Variants in STAB1 observed in about 807,000 individuals in gnomAD.
STAB1 encodes stabilin 1, also known as stabilin-1.
STAB1 carries 250 observed loss-of-function variants against 332.4 expected under a neutral mutation model. The ratio of observed to expected loss-of-function variants is 0.75; its 90% confidence interval spans 0.68 to 0.84. STAB1 has a LOEUF of 0.84. STAB1 is among the 40% of genes least tolerant of loss of function. The pLI is 0.00. For synonymous variants in STAB1, 1,475 were observed against 1,390.4 expected (o/e 1.06, Z -1.35); for missense variants, 3,249 against 3,489.7 (o/e 0.93, Z 1.74).
At chr3:52,506,398 T>A in intron 17 of STAB1, 148 bp downstream of exon 17, 1 of 797,536 alleles carries the variant, frequency 1.3e-6, no homozygotes, top group South Asian at 1.7e-5. Context: ...CAGGCAGAGA[T>A]CAAATTCCTC....
intron 14 of STAB1, 120 bp from the exon 15 acceptor site, chr3:52,505,548 C>A: frequency 2.5e-6 from 3 of 1,200,092 alleles, no homozygotes; most frequent in African/African-American, 1.5e-5. Context: ...GGACCCATTG[C>A]CCATGTCTCC....
intron 22 of STAB1, 40 bp from the exon 23 acceptor site, chr3:52,509,830 C>T: frequency 6.2e-7 from 1 of 1,611,034 alleles, no homozygotes; most frequent in Non-Finnish European, 8.5e-7. Flanking sequence ...AGCCCTGCCT[C>T]CTGCTTCTCA....
chr3:52,498,053 C>T (rs1426734497), intron 1 of STAB1, among the ~76,000 whole-genome samples: 1 of 152,118 alleles, frequency 6.6e-6, no homozygotes, highest in Non-Finnish European at 1.5e-5. Context: ...CTGATCTGAC[C>T]AAAGGTAGGG....
intron 8 of STAB1, 31 bp downstream of exon 8, chr3:52,503,571 C>T (rs372053288): frequency 2.7e-5 from 43 of 1,604,778 alleles, no homozygotes; most frequent in South Asian, 2.7e-4. Flanking sequence ...GGAACTGTCC[C>T]CACAGTGCAC....
At position 52,512,856 on chromosome 3, in the gene STAB1, G is replaced by A. The variant is rs150311081; in HGVS notation, c.3056G>A (p.Arg1019His). 9,767 of 1,610,206 alleles carry A rather than the reference G, an allele frequency of 6.1e-3. 75 individuals carry two copies. Among genetic ancestry groups the A allele is most frequent in the South Asian group, 0.025 (2,234 of 90,960 alleles). Reference sequence around the variant, plus strand: ...GCCGGCATCACGCTTCCTGCCGACCGCCGAGTCACAGCCCTGGTGCCCTCC... The same window carrying A: ...GCCGGCATCACGCTTCCTGCCGACCACCGAGTCACAGCCCTGGTGCCCTCC... ...KSAGITLPADRRVTALVPSEA... is the reference protein window; with the variant it reads ...KSAGITLPADHRVTALVPSEA... The change falls in exon 29 of 69, where the codon CGC (arginine) becomes CAC (histidine). Residue 1019 changes from arginine (R) to histidine (H), a missense_variant. Coordinates refer to ENST00000321725, the MANE Select transcript of STAB1 (RefSeq NM_015136.3).
intron 27 of STAB1, 76 bp from the exon 28 acceptor site, chr3:52,512,520 T>C: frequency 1.9e-6 from 3 of 1,612,766 alleles, no homozygotes; most frequent in South Asian, 1.1e-5. Context: ...AAAGGGGCAC[T>C]GCTCAGGATC....
rs1385373902 is a variant in STAB1, at chr3:52,520,944, T to C, written c.5847T>C (p.Asn1949=). ...PQGLGRGCHR[N]CVTTTWKPSC... ...GCCTGGGCAGGGGCTGCCACCGCAA[T>C]TGTGTCACCACCACCTGGAAGCCCA... Residue 1949 remains asparagine (N), a synonymous_variant, in exon 55 of 69, where the codon AAT becomes AAC. Coordinates refer to ENST00000321725, the MANE Select transcript of STAB1 (RefSeq NM_015136.3). The C allele has an allele frequency of 3.8e-6, 6 of 1,588,216 alleles. No homozygotes were observed. Among genetic ancestry groups the C allele is most frequent in the Non-Finnish European group, 5.1e-6 (6 of 1,167,144 alleles).
chr3:52,512,252 G>T, intron 26 of STAB1, 89 bp from the exon 27 acceptor site: 1 of 1,260,056 alleles, frequency 7.9e-7, no homozygotes, highest in Non-Finnish European at 1.1e-6. Flanking sequence ...GGCTGGGGCT[G>T]GGTGGCTGGA....
chr3:52,505,930 C>T lies in STAB1; in HGVS notation c.1743C>T (p.His581=), dbSNP rs140934139. 3.7e-5 allele frequency: 59 copies of T among 1,613,562 alleles called. No individual in the cohort carries two copies. Among genetic ancestry groups the T allele is most frequent in the African/African-American group, 8.0e-5 (6 of 74,938 alleles). The change falls in exon 16 of 69, where the codon CAC becomes CAT. Residue 581 remains histidine, a synonymous_variant. Transcript: ENST00000321725. ...QELVRYHIYN[H]GQLTVEKLIS... is the part of the protein sequence containing the mutation. ...TGGTGCGGTACCACATCTACAACCA[C>T]GGCCAGGTGCGAGGTCTTTTTCTGG...
At chr3:52,513,268 G>A in intron 30 of STAB1, 27 bp downstream of exon 30, 1 of 1,547,800 alleles carries the variant, frequency 6.5e-7, no homozygotes, top group Non-Finnish European at 8.7e-7. Flanking sequence ...GGGCAGAAAA[G>A]GGGACCAGGT....
At chr3:52,499,682 G>A (rs866816850) in intron 1 of STAB1, among the ~76,000 whole-genome samples, 1 of 151,812 alleles carries the variant, frequency 6.6e-6, no homozygotes, top group East Asian at 1.9e-4. Flanking sequence ...GGCGGATCAC[G>A]AGGTCAGGAG....
intron 16 of STAB1, 116 bp from the exon 17 acceptor site, chr3:52,506,054 C>CTA (rs990944772): frequency 1.1e-4 from 158 of 1,502,806 alleles, no homozygotes; most frequent in Non-Finnish European, 1.4e-4. Context: ...ATCTGTTCTG[C>CTA]TATAGCACAG....
chr3:52,522,334 C>T lies in STAB1; in HGVS notation c.6470C>T (p.Thr2157Ile). The T allele has an allele frequency of 5.6e-6, 9 of 1,612,932 alleles. No homozygotes were observed. The highest frequency in any genetic ancestry group is 6.8e-6 in the Non-Finnish European group (8 of 1,180,014). ...CACTGCTCTCTCCAACCCCAGAACA[C>T]ACGGCGCTGTGAGTGCCACGCAGGC... Reference protein sequence around the residue: ...HANCLSTGLNTRRCECHAGYV... With the variant: ...HANCLSTGLNIRRCECHAGYV... The change falls in exon 60 of 69, where the codon ACA becomes ATA. Residue 2157 changes from threonine (T) to isoleucine (I), a missense_variant. Transcript: ENST00000321725.
rs763904622 is a variant in STAB1 at position 52,518,773 on chromosome 3, C to T, written c.4938C>T (p.His1646=). ...RAHRQLVFRY[H]VVGCRRLRSE... ...ATCGCCAGCTGGTGTTTCGCTACCA[C>T]GTGGTTGGCTGTCGGCGGCTGCGGA... Residue 1646 remains histidine (H), a synonymous_variant, in exon 48 of 69, where the codon CAC becomes CAT. Transcript: ENST00000321725. The T allele has an allele frequency of 3.7e-6, 6 of 1,612,552 alleles. No homozygotes were observed. Among genetic ancestry groups the T allele is most frequent in the African/African-American group, 1.3e-5 (1 of 75,018 alleles).
Position 52,504,560 on chromosome 3 carries a change from C to T in STAB1, c.1239+11C>T, listed in dbSNP as rs759202723. On this transcript the variant is annotated intron_variant, in intron 11 of 68. Transcript: ENST00000321725. The stretch of plus-strand genomic sequence containing the variant: ...TCCAGGACCATGAATGTAAGCCCCT[C>T]CCCATGGTGGAGCTGGCCACTGGCC... The T allele has an allele frequency of 3.1e-6, 5 of 1,613,742 alleles. No homozygotes were observed. The highest frequency in any genetic ancestry group is 3.3e-5 in the Admixed American group (2 of 60,004).
At chr3:52,520,720 G>A in intron 54 of STAB1, 22 bp downstream of exon 54, 1 of 1,612,168 alleles carries the variant, frequency 6.2e-7, no homozygotes, top group East Asian at 2.2e-5. Flanking sequence ...GGGGCTGAGT[G>A]GGGGTGGTGG....
At chr3:52,505,577 T>G in intron 14 of STAB1, 91 bp from the exon 15 acceptor site, 1 of 1,365,662 alleles carries the variant, frequency 7.3e-7, no homozygotes, top group Non-Finnish European at 1.0e-6. Flanking sequence ...CAGTGGGAGT[T>G]TCCTGCAGGC....
chr3:52,524,132 G>A lies in STAB1; in HGVS notation c.7575G>A (p.Pro2525=), dbSNP rs139217339. Residue 2525 remains proline, a synonymous_variant, in exon 68 of 69, where the codon CCG becomes CCA. Coordinates refer to ENST00000321725, the MANE Select transcript of STAB1 (RefSeq NM_015136.3). ...AEDDADDDFS[P]WQEGTNPTLV... Reference sequence around the variant, plus strand: ...ATGATGCTGATGACGACTTCTCACCGTGGCAAGAAGGGACCAACCCCACCC... The same window carrying A: ...ATGATGCTGATGACGACTTCTCACCATGGCAAGAAGGGACCAACCCCACCC... 1.4e-5 allele frequency: 23 copies of A among 1,613,774 alleles called. No homozygotes were observed. Among genetic ancestry groups the A allele is most frequent in the Admixed American group, 5.0e-5 (3 of 60,014 alleles).
rs189800024 is a variant in STAB1 at position 52,510,902 on chromosome 3, G to A, written c.2787+395G>A. 5.2e-4 allele frequency among the ~76,000 whole-genome samples: 79 copies of A among 152,338 alleles called. 1 individual carries two copies. The highest frequency in any genetic ancestry group is 1.0e-3 in the South Asian group (5 of 4,828). On this transcript the variant is annotated intron_variant, in intron 25 of 68. Transcript: ENST00000321725. Reference sequence around the variant, plus strand: ...GAGCCTTCCATGTGGAGCATTTCAGGACTGGTGAACCAGTGTTTGGACAGG... The same window carrying A: ...GAGCCTTCCATGTGGAGCATTTCAGAACTGGTGAACCAGTGTTTGGACAGG...
Sources: allele counts gnomAD v4.1 joint callset (sites outside exome capture counted in the v4.1 genomes callset), GRCh38; gene constraint gnomAD v4.1.1; transcripts MANE v1.5; gene names NCBI Gene and HGNC (gene_info 2026-07-23, HGNC 2026-07-21).